TRIM48: variants seen among roughly 807,000 people sequenced by gnomAD.
TRIM48 encodes the protein tripartite motif containing 48.
TRIM48 carries 31 observed loss-of-function variants against 29.5 expected under a neutral mutation model. The ratio of observed to expected loss-of-function variants is 1.05; its 90% confidence interval spans 0.79 to 1.42. The LOEUF (loss-of-function observed/expected upper bound fraction) is 1.42. Ranked by LOEUF, TRIM48 falls within the 40% of genes most tolerant of loss-of-function variation. The pLI is 0.00. For missense variants in TRIM48, 344 were observed against 265.0 expected (o/e 1.30, Z -2.07); for synonymous variants, 128 against 90.6 (o/e 1.41, Z -2.34).
chr11:55,265,951 A>T (rs1423066217), intron 3 of TRIM48, among the ~76,000 whole-genome samples: 1 of 147,740 alleles, frequency 6.8e-6, no homozygotes, highest in Non-Finnish European at 1.5e-5. Flanking sequence ...GCTATACACC[A>T]ACAGATACAA....
chr11:55,263,628 C>T (rs1291502671), intron 1 of TRIM48, among the ~76,000 whole-genome samples: 4 of 152,240 alleles, frequency 2.6e-5, no homozygotes, highest in South Asian at 4.1e-4. Context: ...CACCACTGCA[C>T]TCCAGCCTGG....
chr11:55,270,485 G>T lies in TRIM48; in HGVS notation c.*50G>T, dbSNP rs1857465828. The T allele has an allele frequency of 1.9e-6, 3 of 1,565,156 alleles. 1 individual carries two copies. The highest frequency in any genetic ancestry group is 2.7e-5 in the African/African-American group (2 of 73,104). On this transcript the variant is annotated 3_prime_UTR_variant, in exon 6 of 6. Transcript: ENST00000417545. ...GAAGCCAACAGTCATATCTTCCGAT[G>T]TGGAGATTTGAGAAGCATTTGTATT...
chr11:55,270,008 T>C (rs1452394307), intron 5 of TRIM48, among the ~76,000 whole-genome samples: 2 of 148,030 alleles, frequency 1.4e-5, no homozygotes, highest in Non-Finnish European at 3.0e-5. Flanking sequence ...CTTATGGATT[T>C]TTATCCAGTT....
Position 55,268,939 on chromosome 11 carries a change from C to T in TRIM48, c.579-303C>T, listed in dbSNP as rs567254120. Reference sequence around the variant, plus strand: ...TTTCAGACAAAGATGTCAGGGGAGTCTGCCAAGAAGTGGAACTCAGAATTT... The same window carrying T: ...TTTCAGACAAAGATGTCAGGGGAGTTTGCCAAGAAGTGGAACTCAGAATTT... On this transcript the variant is annotated intron_variant, in intron 4 of 5. Transcript: ENST00000417545. Among the ~76,000 whole-genome samples the T allele has an allele frequency of 1.5e-4, 22 of 147,854 alleles. 5 individuals carry two copies. The East Asian group carries it at 4.7e-3, about 32-fold the overall frequency.
At chr11:55,267,497 A>G in intron 3 of TRIM48, 3 of 1,579,884 alleles carry the variant, frequency 1.9e-6, no homozygotes, top group Non-Finnish European at 2.6e-6. Flanking sequence ...TAATTTGGAG[A>G]TGCTGAAAAA....
rs534688001 is a variant in TRIM48, at chr11:55,266,509, A to G, written c.555+814A>G. Among the ~76,000 whole-genome samples, 96 of 147,812 alleles carry G rather than the reference A, an allele frequency of 6.5e-4. 5 individuals are homozygous for G. The highest frequency in any genetic ancestry group is 2.3e-3 in the African/African-American group (94 of 40,512). ...ATCGTACAATCCAAATGAGAGAGGC[A>G]AAAATGGTCAACATGCAAATATGTG... On this transcript the variant is annotated intron_variant, in intron 3 of 5. Transcript: ENST00000417545.
At chr11:55,263,519 G>A (rs575605658) in intron 1 of TRIM48, among the ~76,000 whole-genome samples, 4 of 151,778 alleles carry the variant, frequency 2.6e-5, no homozygotes, top group Non-Finnish European at 5.9e-5. Flanking sequence ...AAAATTTGCC[G>A]GGTGTAGTGG....
intron 3 of TRIM48, 120 bp downstream of exon 3, chr11:55,265,815 A>G (rs1237702368): frequency 2.6e-6 from 3 of 1,140,896 alleles, no homozygotes; most frequent in Admixed American, 3.0e-5. Flanking sequence ...AAAAAAAAAG[A>G]GAAGAAAACA....
intron 1 of TRIM48, among the ~76,000 whole-genome samples, chr11:55,262,597 A>G (rs1449391578): frequency 6.6e-6 from 1 of 152,136 alleles, no homozygotes; most frequent in African/African-American, 2.4e-5. Flanking sequence ...GTATGTACAC[A>G]TAGGTGTGTG....
chr11:55,269,230 T>C lies in TRIM48; in HGVS notation c.579-12T>C, dbSNP rs543723409. The C allele has an allele frequency of 1.4e-4, 226 of 1,572,300 alleles. 19 individuals are homozygous for C. The African/African-American group carries it at 2.8e-3, about 19-fold the overall frequency. On this transcript the variant is annotated splice_polypyrimidine_tract_variant and intron_variant, in intron 4 of 5. Coordinates refer to ENST00000417545, the MANE Select transcript of TRIM48 (RefSeq NM_024114.5). ...GGCTGTAGATGTTGTAACTGCAGGTTTTTCCTTGCAGGAGTGAGTCCGTGC... is the reference window on the plus strand; with the variant it reads ...GGCTGTAGATGTTGTAACTGCAGGTCTTTCCTTGCAGGAGTGAGTCCGTGC...
chr11:55,267,312 A>T, intron 3 of TRIM48: 2 of 1,354,688 alleles, frequency 1.5e-6, no homozygotes, highest in Non-Finnish European at 2.0e-6. Flanking sequence ...CTGAGGTTTA[A>T]ACTATTGGAT....
intron 1 of TRIM48, 73 bp downstream of exon 1, chr11:55,262,384 A>G: frequency 1.9e-6 from 2 of 1,059,880 alleles, no homozygotes; most frequent in Non-Finnish European, 2.8e-6. Context: ...TGTTAAAAAT[A>G]TCTCATTATC....
chr11:55,270,364 T>C, intron 5 of TRIM48, 73 bp from the exon 6 acceptor site: 2 of 1,228,282 alleles, frequency 1.6e-6, no homozygotes, highest in South Asian at 1.7e-5. Flanking sequence ...GAACGATTTT[T>C]GCTTATTTAC....
At chr11:55,267,663 G>C in intron 3 of TRIM48, 3 of 1,564,946 alleles carry the variant, frequency 1.9e-6, no homozygotes, top group Non-Finnish European at 2.6e-6. Flanking sequence ...TGTGGTTTCA[G>C]GTTTTTGACT....
intron 1 of TRIM48, 130 bp downstream of exon 1, chr11:55,262,441 G>C (rs1186407966): frequency 7.0e-6 from 5 of 711,910 alleles, no homozygotes; most frequent in Admixed American, 2.8e-5. Flanking sequence ...TCTTACTATA[G>C]ATTTTATGAA....
chr11:55,268,394 A>C, intron 4 of TRIM48, 22 bp downstream of exon 4: 1 of 1,539,824 alleles, frequency 6.5e-7, no homozygotes. Context: ...CCTGGATTTT[A>C]GCATATGTTC....
At chr11:55,262,843 G>C (rs1043301726) in intron 1 of TRIM48, among the ~76,000 whole-genome samples, 2 of 152,004 alleles carry the variant, frequency 1.3e-5, no homozygotes, top group African/African-American at 4.8e-5. Context: ...ATATGTGATG[G>C]TGGTTGCCAT....
At chr11:55,262,475 A>G (rs1317869584) in intron 1 of TRIM48, among the ~76,000 whole-genome samples, 164 bp downstream of exon 1, 4 of 152,080 alleles carry the variant, frequency 2.6e-5, no homozygotes, top group African/African-American at 9.7e-5. Context: ...AATTGTTGTT[A>G]TTTTGCATTT....
Position 55,265,542 on chromosome 11 carries a change from C to A in TRIM48, c.460-58C>A. 5 of 1,548,872 alleles carry A rather than the reference C, an allele frequency of 3.2e-6. 1 individual carries two copies. The highest frequency in any genetic ancestry group is 4.4e-6 in the Non-Finnish European group (5 of 1,139,984). ...CATTCTGGGCCCCCTCCCAATGAAA[C>A]GGTCTGTATGTTACTTTATTGTCTT... On this transcript the variant is annotated intron_variant, in intron 2 of 5. Transcript: ENST00000417545.
Sources: allele counts gnomAD v4.1 joint callset (sites outside exome capture counted in the v4.1 genomes callset), GRCh38; gene constraint gnomAD v4.1.1; transcripts MANE v1.5; gene names NCBI Gene and HGNC (gene_info 2026-07-23, HGNC 2026-07-21).